The following MARCHF3 variants were observed in gnomAD, a reference collection of about 807,000 sequenced individuals.
MARCHF3 encodes the protein membrane associated ring-CH-type finger 3.
MARCHF3 carries 13 observed loss-of-function variants against 24.2 expected under a neutral mutation model. The observed-to-expected ratio is 0.54, with a 90% CI of 0.35 to 0.85. MARCHF3 has a LOEUF of 0.85. Ranked by LOEUF, MARCHF3 falls within the 40% of genes least tolerant of loss-of-function variation. MARCHF3 has a pLI of 0.01. For synonymous variants in MARCHF3, 144 were observed against 137.3 expected, an observed-to-expected ratio of 1.05 and a Z score of -0.34; for missense variants, 276 against 325.0, an observed-to-expected ratio of 0.85 and a Z score of 1.16.
At chr5:126,898,406 T>C (rs918172681) in intron 3 of MARCHF3, among the ~76,000 whole-genome samples, 2 of 152,112 alleles carry the variant, frequency 1.3e-5, no homozygotes, top group African/African-American at 4.8e-5. Flanking sequence ...ATAAGGCATG[T>C]CTTAAAAACA....
chr5:126,882,390 G>A (rs1460468270), intron 3 of MARCHF3, among the ~76,000 whole-genome samples: 1 of 152,158 alleles, frequency 6.6e-6, no homozygotes, highest in Non-Finnish European at 1.5e-5. Context: ...TCTGGTCTGT[G>A]TCAATTCTTT....
chr5:126,978,080 G>A (rs558407558), intron 1 of MARCHF3, among the ~76,000 whole-genome samples: 1 of 152,356 alleles, frequency 6.6e-6, no homozygotes, highest in South Asian at 2.1e-4. Flanking sequence ...TGGCCCCCAA[G>A]AGAAAGGCTT....
Position 126,943,959 on chromosome 5 carries a change from C to T in MARCHF3, c.-56-25732G>A, listed in dbSNP as rs77530359. ...CCAAGTAGCTGGGATTATAGGCGGC[C>T]GCCATCACGCCCAGCTAATTTTTTT... On this transcript the variant is annotated intron_variant, in intron 1 of 4. Coordinates refer to ENST00000308660, the MANE Select transcript of MARCHF3 (RefSeq NM_178450.5). Among the ~76,000 whole-genome samples, 1,288 of 152,058 alleles carry T rather than the reference C, an allele frequency of 8.5e-3. 19 individuals are homozygous for T. Among genetic ancestry groups the T allele is most frequent in the East Asian group, 0.026 (133 of 5,160 alleles).
intron 3 of MARCHF3, among the ~76,000 whole-genome samples, chr5:126,906,359 G>T (rs540077993): frequency 1.3e-5 from 2 of 152,140 alleles, no homozygotes; most frequent in Non-Finnish European, 2.9e-5. Context: ...TTCCCTCTTT[G>T]TCTATTGATT....
intron 1 of MARCHF3, among the ~76,000 whole-genome samples, chr5:127,029,022 G>T (rs1753088878): frequency 6.6e-6 from 1 of 152,168 alleles, no homozygotes; most frequent in African/African-American, 2.4e-5. Context: ...TGCACTGAGT[G>T]GTATTGAACT....
At chr5:126,943,625 T>C (rs1453676775) in intron 1 of MARCHF3, among the ~76,000 whole-genome samples, 1 of 151,964 alleles carries the variant, frequency 6.6e-6, no homozygotes, top group Admixed American at 6.6e-5. Flanking sequence ...ATTCACTATA[T>C]GACAAGCACT....
chr5:126,936,600 A>G (rs1421927842), intron 1 of MARCHF3, among the ~76,000 whole-genome samples: 1 of 152,214 alleles, frequency 6.6e-6, no homozygotes, highest in African/African-American at 2.4e-5. Context: ...TTCTTAATTT[A>G]CTTTCATTGT....
In MARCHF3 at chr5:126,918,109, T is replaced by G; in HGVS notation, c.63A>C (p.Ala21=). ...EVLPDCTSSA[A]PVVKTVEDCG... Reference sequence around the variant, plus strand: ...AATCCTCCACCGTCTTCACCACGGGTGCAGCTGAGCTGGTGCAGTCTGGCA... The same window carrying G: ...AATCCTCCACCGTCTTCACCACGGGGGCAGCTGAGCTGGTGCAGTCTGGCA... The change falls in exon 2 of 5, where the codon GCA becomes GCC. Residue 21 remains alanine (A), a synonymous_variant. Coordinates refer to ENST00000308660, the MANE Select transcript of MARCHF3 (RefSeq NM_178450.5). 6.2e-7 allele frequency: 1 copy of G among 1,614,146 alleles called. No individual in the cohort carries two copies.
chr5:127,027,995 A>G (rs1029183945), intron 1 of MARCHF3, among the ~76,000 whole-genome samples: 9 of 152,330 alleles, frequency 5.9e-5, no homozygotes, highest in African/African-American at 1.7e-4. Context: ...GTTAATTTGG[A>G]TGATTCATAT....
chr5:126,871,314 A>T (rs1752956372), intron 4 of MARCHF3, among the ~76,000 whole-genome samples: 1 of 152,208 alleles, frequency 6.6e-6, no homozygotes, highest in Admixed American at 6.5e-5. Context: ...CCTGCCCAAC[A>T]GCCTGGTGGC....
intron 1 of MARCHF3, among the ~76,000 whole-genome samples, chr5:126,998,120 G>C (rs1752006125): frequency 6.6e-6 from 1 of 151,608 alleles, no homozygotes; most frequent in Non-Finnish European, 1.5e-5. Flanking sequence ...GGAAATCTTG[G>C]GTCTTGGAGA....
rs1752840852 is a variant in MARCHF3 at position 126,868,429 on chromosome 5, G to A, written c.*2204C>T. ...ATCTTGGACTCTGTTTTACTTCACA[G>A]GGCAGGGATGCAAACACGAAGGAAA... On this transcript the variant is annotated 3_prime_UTR_variant, in exon 5 of 5. Coordinates refer to ENST00000308660, the MANE Select transcript of MARCHF3 (RefSeq NM_178450.5). 6.6e-6 allele frequency: 1 copy of A among 152,198 alleles called. No individual in the cohort carries two copies. The highest frequency in any genetic ancestry group is 1.5e-5 in the Non-Finnish European group (1 of 68,060). The allele number at this position is 152,198 out of a possible 1,614,324, so 9.4% of individuals were successfully genotyped here.
intron 3 of MARCHF3, among the ~76,000 whole-genome samples, chr5:126,905,752 C>T (rs1465924285): frequency 6.6e-6 from 1 of 151,946 alleles, no homozygotes; most frequent in East Asian, 1.9e-4. Context: ...ACAATCATGT[C>T]GTCTGCAAAC....
chr5:126,955,434 A>G (rs1425690479), intron 1 of MARCHF3, among the ~76,000 whole-genome samples: 1 of 152,190 alleles, frequency 6.6e-6, no homozygotes, highest in Non-Finnish European at 1.5e-5. Flanking sequence ...AAAGTGGTGT[A>G]CCACACTACA....
At chr5:126,898,727 C>A (rs766533601) in intron 3 of MARCHF3, 4 of 389,762 alleles carry the variant, frequency 1.0e-5, no homozygotes, top group Non-Finnish European at 1.4e-5. Context: ...TTCTGCTGCT[C>A]CTACGTGCCA....
chr5:126,889,175 C>T (rs902263385), intron 3 of MARCHF3, among the ~76,000 whole-genome samples: 4 of 152,034 alleles, frequency 2.6e-5, no homozygotes, highest in Non-Finnish European at 2.9e-5. Flanking sequence ...ATGACCACTC[C>T]GTTGGACTGC....
intron 1 of MARCHF3, among the ~76,000 whole-genome samples, chr5:126,946,823 G>A (rs1238409231): frequency 7.6e-6 from 1 of 132,352 alleles, no homozygotes; most frequent in Non-Finnish European, 1.7e-5. Flanking sequence ...GGAGGGGAGG[G>A]GGCACTGAGG....
rs1750797024 is a variant in MARCHF3 at position 126,965,812 on chromosome 5, A to G, written c.-56-47585T>C. 2.0e-5 allele frequency among the ~76,000 whole-genome samples: 3 copies of G among 152,336 alleles called. No individual in the cohort carries two copies. The South Asian group carries it at 6.2e-4, about 32-fold the overall frequency. ...TATAAAATGGTGCAACTGTCTGGGA[A>G]AGGAGTTTGGCAGTCTCTTAAAAAG... is the stretch of plus-strand genomic sequence containing the variant. On this transcript the variant is annotated intron_variant, in intron 1 of 4. Transcript: ENST00000308660.
intron 1 of MARCHF3, among the ~76,000 whole-genome samples, chr5:126,949,525 T>C (rs1750142600): frequency 6.6e-6 from 1 of 152,146 alleles, no homozygotes; most frequent in Non-Finnish European, 1.5e-5. Context: ...GCTAGAACCC[T>C]CGCTGTAAAA....
Sources: gnomAD v4.1 joint callset for allele counts (sites outside exome capture counted in the v4.1 genomes callset) on GRCh38, gnomAD v4.1.1 for gene constraint, MANE v1.5 for transcripts, NCBI Gene and HGNC (gene_info 2026-07-23, HGNC 2026-07-21) for gene names.